Variants in FKBP15 observed in about 807,000 individuals in gnomAD.
FKBP15 encodes FK506-binding protein 15.
A neutral mutation model predicts 158.1 loss-of-function variants in FKBP15; 106 were observed. The observed-to-expected ratio is 0.67, with a 90% CI of 0.57 to 0.79. FKBP15 has a LOEUF of 0.79. Ranked by LOEUF, FKBP15 falls within the 30% of genes least tolerant of loss-of-function variation. The pLI is 0.00. For synonymous variants in FKBP15, 547 were observed against 548.6 expected, an observed-to-expected ratio of 1.00 and a Z score of 0.04; for missense variants, 1,287 against 1,479.1, an observed-to-expected ratio of 0.87 and a Z score of 2.13.
chr9:113,185,669 C>G (rs1027208876), intron 15 of FKBP15, among the ~76,000 whole-genome samples: 1 of 152,164 alleles, frequency 6.6e-6, no homozygotes, highest in African/African-American at 2.4e-5. Context: ...TACAAAATAT[C>G]TGAAAAGTTA....
At chr9:113,214,589 C>A (rs1210956798) in intron 1 of FKBP15, among the ~76,000 whole-genome samples, 1 of 152,164 alleles carries the variant, frequency 6.6e-6, no homozygotes, top group African/African-American at 2.4e-5. Context: ...TGCCTAAGGG[C>A]CCTAGGATTT....
chr9:113,190,378 G>A lies in FKBP15; in HGVS notation c.1173+93C>T. ...TATTAGCTCTCTAAATAATGATTCT[G>A]CCTTAGAGAAAAAACAATCACTCCA... On this transcript the variant is annotated intron_variant, in intron 12 of 27. Transcript: ENST00000238256. The A allele has an allele frequency of 6.0e-6, 6 of 1,002,570 alleles. 1 individual carries two copies. In the South Asian group the frequency reaches 8.6e-5, roughly 14 times the overall value. The allele number at this position is 1,002,570 out of a possible 1,614,324, so 62.1% of individuals were successfully genotyped here.
chr9:113,176,502 C>G, intron 21 of FKBP15, 35 bp downstream of exon 21: 1 of 1,538,976 alleles, frequency 6.5e-7, no homozygotes, highest in Non-Finnish European at 8.8e-7. Flanking sequence ...GTTTATTAAA[C>G]AGCTAATTCT....
At chr9:113,173,742 A>G in intron 22 of FKBP15, 137 bp from the exon 23 acceptor site, 1 of 835,202 alleles carries the variant, frequency 1.2e-6, no homozygotes. Context: ...TGTTTAAAAG[A>G]CTCATTACTT....
At chr9:113,191,182 C>CT (rs34475285) in intron 11 of FKBP15, among the ~76,000 whole-genome samples, 20,249 of 146,510 alleles carry the variant, frequency 0.14, 1,715 homozygotes, top group Non-Finnish European at 0.19. Context: ...ATTATTATTA[C>CT]TTTTTTTTTT....
intron 23 of FKBP15, among the ~76,000 whole-genome samples, chr9:113,172,414 G>A (rs1830230019): frequency 6.6e-6 from 1 of 152,100 alleles, no homozygotes; most frequent in South Asian, 2.1e-4. Context: ...GATCCTTAAG[G>A]AATCGCCACA....
intron 1 of FKBP15, among the ~76,000 whole-genome samples, chr9:113,218,870 T>C (rs1831197933): frequency 6.6e-6 from 1 of 152,202 alleles, no homozygotes; most frequent in Non-Finnish European, 1.5e-5. Context: ...GATCGGTTAA[T>C]TTATCTTTCT....
intron 12 of FKBP15, among the ~76,000 whole-genome samples, chr9:113,189,664 GA>G (rs1232099878): frequency 3.3e-5 from 5 of 152,044 alleles, no homozygotes; most frequent in African/African-American, 1.2e-4. Flanking sequence ...GTATATTCCA[GA>G]AAAAATTTTT....
chr9:113,200,971 G>A (rs902917661), intron 6 of FKBP15, among the ~76,000 whole-genome samples: 2 of 151,470 alleles, frequency 1.3e-5, no homozygotes, highest in Non-Finnish European at 2.9e-5. Flanking sequence ...TTGAACCCGG[G>A]AGGCGGAGGT....
chr9:113,193,556 G>C lies in FKBP15; in HGVS notation c.1008-7C>G. 6.3e-7 allele frequency: 1 copy of C among 1,593,974 alleles called. No individual in the cohort carries two copies. The highest frequency in any genetic ancestry group is 8.6e-7 in the Non-Finnish European group (1 of 1,168,974). On this transcript the variant is annotated splice_polypyrimidine_tract_variant and splice_region_variant and intron_variant, in intron 10 of 27. Coordinates refer to ENST00000238256, the MANE Select transcript of FKBP15 (RefSeq NM_015258.2). ...GGTACGAAGAGCTGGCTCCCTGAAA[G>C]CAAATAGACCATATTCCAAGATTGA...
In FKBP15 at chr9:113,166,069, C is replaced by A. The variant is rs763165410; in HGVS notation, c.*9G>T. 6.2e-7 allele frequency: 1 copy of A among 1,612,502 alleles called. No individual in the cohort carries two copies. The highest frequency in any genetic ancestry group is 1.1e-5 in the South Asian group (1 of 90,582). The stretch of plus-strand genomic sequence containing the variant: ...TGCAGAGAAACCTTTGCACCAGTTT[C>A]CTGGGTCTTCATCCCAGCCAGTCAA... On this transcript the variant is annotated 3_prime_UTR_variant, in exon 28 of 28. Coordinates refer to ENST00000238256, the MANE Select transcript of FKBP15 (RefSeq NM_015258.2).
intron 9 of FKBP15, 78 bp downstream of exon 9, chr9:113,196,854 T>C (rs1830695236): frequency 1.3e-6 from 2 of 1,511,698 alleles, no homozygotes; most frequent in South Asian, 2.5e-5. Context: ...AGTATCTTCA[T>C]TTATTTATTC....
chr9:113,177,354 A>C (rs1365675990), intron 20 of FKBP15, among the ~76,000 whole-genome samples: 1 of 152,214 alleles, frequency 6.6e-6, no homozygotes, highest in Non-Finnish European at 1.5e-5. Flanking sequence ...TTGTTTGGGA[A>C]ACTTTTGAGA....
chr9:113,171,776 G>A, intron 23 of FKBP15, 70 bp from the exon 24 acceptor site: 7 of 1,275,740 alleles, frequency 5.5e-6, no homozygotes, highest in Admixed American at 6.9e-5. Context: ...AAGGGGAGGA[G>A]AACCACCCAA....
At chr9:113,180,940 A>G (rs1231670682) in intron 19 of FKBP15, among the ~76,000 whole-genome samples, 1 of 152,194 alleles carries the variant, frequency 6.6e-6, no homozygotes, top group African/African-American at 2.4e-5. Flanking sequence ...GGACAAAAGG[A>G]CCTTGCCCAT....
chr9:113,187,834 C>A lies in FKBP15; in HGVS notation c.1342G>T (p.Asp448Tyr), dbSNP rs45559933. 6.8e-5 allele frequency: 110 copies of A among 1,613,820 alleles called. 1 individual carries two copies. The highest frequency in any genetic ancestry group is 6.6e-4 in the Middle Eastern group (4 of 6,062). ...TTTCCAGATACAGCTGAGTGGGAAT[C>A]GAGAGATGACACTTGCATTAAGGCA... ...SAALMQVSSL[D>Y]SHSAVSGNAQ... Residue 448 changes from aspartate to tyrosine, a missense_variant, in exon 14 of 28, where the codon GAT becomes TAT. Coordinates refer to ENST00000238256, the MANE Select transcript of FKBP15 (RefSeq NM_015258.2).
intron 1 of FKBP15, among the ~76,000 whole-genome samples, chr9:113,213,574 C>G (rs1831058862): frequency 8.6e-6 from 1 of 116,234 alleles, no homozygotes; most frequent in South Asian, 3.3e-4. Context: ...ACCCTGTCTC[C>G]CCCGAACCAA....
intron 6 of FKBP15, 114 bp downstream of exon 6, chr9:113,202,417 T>C: frequency 1.4e-6 from 1 of 705,570 alleles, no homozygotes; most frequent in Non-Finnish European, 2.3e-6. Context: ...GGGTTTTTTA[T>C]GCTAGTCACT....
intron 20 of FKBP15, 73 bp downstream of exon 20, chr9:113,178,557 T>G: frequency 1.4e-6 from 2 of 1,456,150 alleles, no homozygotes; most frequent in Non-Finnish European, 1.8e-6. Context: ...CCAAAAAAAT[T>G]GAGAGGAAGA....
Sources: gnomAD v4.1 joint callset for allele counts (sites outside exome capture counted in the v4.1 genomes callset) on GRCh38, gnomAD v4.1.1 for gene constraint, MANE v1.5 for transcripts, NCBI Gene and HGNC (gene_info 2026-07-23, HGNC 2026-07-21) for gene names.